The following MMP26 variants were observed in gnomAD, a reference collection of about 807,000 sequenced individuals.
MMP26 encodes the protein matrix metallopeptidase 26, also known as matrix metalloproteinase-26.
MMP26 carries 33 observed loss-of-function variants against 31.0 expected under a neutral mutation model. The ratio of observed to expected loss-of-function variants is 1.06; its 90% CI spans 0.81 to 1.42. The LOEUF (loss-of-function observed/expected upper bound fraction) is 1.42. Ranked by LOEUF, MMP26 falls within the 40% of genes most tolerant of loss-of-function variation. The pLI is 0.00. For missense variants in MMP26, 347 were observed against 316.1 expected (o/e 1.10, Z -0.74); for synonymous variants, 122 against 114.9 (o/e 1.06, Z -0.40).
intron 2 of MMP26, among the ~76,000 whole-genome samples, chr11:4,972,338 C>G (rs1205689128): frequency 6.6e-6 from 1 of 152,094 alleles, no homozygotes; most frequent in Non-Finnish European, 1.5e-5. Context: ...ATTGAAATGT[C>G]AAAGACAGGA....
At chr11:4,916,205 G>T (rs553261662) in intron 2 of MMP26, among the ~76,000 whole-genome samples, 3 of 151,796 alleles carry the variant, frequency 2.0e-5, no homozygotes, top group East Asian at 3.9e-4. Flanking sequence ...CCCTCTGCTG[G>T]CACTGTGGGT....
In MMP26 at chr11:4,907,370, A is replaced by G. The variant is rs771229625; in HGVS notation, c.-144-80698A>G. 8 of 1,601,614 alleles carry G rather than the reference A, an allele frequency of 5.0e-6. No individual in the cohort carries two copies. In the East Asian group the frequency reaches 1.1e-4, roughly 22 times the overall value. ...CTAACGAGCTCATATCTCCCTCATT[A>G]TGTCTGTTCTCAATAACTCCGAAGT... is the stretch of plus-strand genomic sequence containing the variant. On this transcript the variant is annotated intron_variant, in intron 2 of 7. Transcript: ENST00000380390.
intron 1 of MMP26, among the ~76,000 whole-genome samples, chr11:4,740,409 G>A (rs1222741155): frequency 6.6e-6 from 1 of 152,006 alleles, no homozygotes; most frequent in Non-Finnish European, 1.5e-5. Flanking sequence ...TGGGGCTGGG[G>A]GCGGTGGCTC....
chr11:4,777,476 T>C (rs1848804425), intron 2 of MMP26, among the ~76,000 whole-genome samples: 1 of 152,194 alleles, frequency 6.6e-6, no homozygotes, highest in Admixed American at 6.5e-5. Context: ...AATTCTTTTA[T>C]TGAAGTATAC....
rs1227145013 is a variant in MMP26, at chr11:4,706,602, C to CAGAA, written c.-217+1575_-217+1578dup. Among the ~76,000 whole-genome samples, 9 of 109,106 alleles carry CAGAA rather than the reference C, an allele frequency of 8.2e-5. No individual in the cohort carries two copies. The South Asian group carries it at 1.1e-3, about 13-fold the overall frequency. The allele number at this position is 109,106 out of a possible 152,430, so 71.6% of individuals were successfully genotyped here. On this transcript the variant is annotated intron_variant, in intron 1 of 7. Transcript: ENST00000380390. The stretch of plus-strand genomic sequence containing the variant: ...CAAAAAAAAAAAAAAAAAAAAAAGA[C>CAGAA]AGAAAGAAAGAAAGAAAGAAAAGAA...
At chr11:4,939,477 G>A (rs1846176780) in intron 2 of MMP26, among the ~76,000 whole-genome samples, 1 of 152,020 alleles carries the variant, frequency 6.6e-6, no homozygotes, top group African/African-American at 2.4e-5. Flanking sequence ...CTAAAAGAGT[G>A]GCTATCTTTT....
intron 2 of MMP26, among the ~76,000 whole-genome samples, chr11:4,861,399 AAATGT>A (rs1238930172): frequency 6.6e-6 from 1 of 151,038 alleles, no homozygotes; most frequent in African/African-American, 2.4e-5. Flanking sequence ...ACATACGCAT[AAATGT>A]ATTAGGTTGG....
At chr11:4,865,389 A>G (rs911693068) in intron 2 of MMP26, among the ~76,000 whole-genome samples, 1 of 152,138 alleles carries the variant, frequency 6.6e-6, no homozygotes, top group African/African-American at 2.4e-5. Context: ...TAGGAAGAGA[A>G]ATTTCTTCTG....
At chr11:4,978,903 C>A (rs375171429) in intron 2 of MMP26, among the ~76,000 whole-genome samples, 8 of 151,984 alleles carry the variant, frequency 5.3e-5, no homozygotes, top group African/African-American at 7.3e-5. Context: ...AAGGACTATA[C>A]CCTAAAGAAG....
chr11:4,921,866 A>AT (rs1295358471), intron 2 of MMP26, among the ~76,000 whole-genome samples: 2 of 152,178 alleles, frequency 1.3e-5, no homozygotes, highest in Non-Finnish European at 2.9e-5. Flanking sequence ...AATTTGTATA[A>AT]TTTTAAAGGG....
chr11:4,945,531 T>G (rs1343526925), intron 2 of MMP26: 1 of 154,358 alleles, frequency 6.5e-6, no homozygotes, highest in Non-Finnish European at 1.4e-5. Flanking sequence ...TATAGATTAC[T>G]CTTGCATTTC....
At chr11:4,858,047 A>C (rs1850082859) in intron 2 of MMP26, among the ~76,000 whole-genome samples, 1 of 152,300 alleles carries the variant, frequency 6.6e-6, no homozygotes, top group African/African-American at 2.4e-5. Flanking sequence ...CAAAACTCTC[A>C]ATAAACTAGG....
At chr11:4,908,473 G>GA (rs80125653) in intron 2 of MMP26, 71,757 of 647,488 alleles carry the variant, frequency 0.11, 7,605 homozygotes, top group East Asian at 0.55. Flanking sequence ...GAACAGGATA[G>GA]AAAAAAAAGT....
At chr11:4,841,849 C>T (rs923704984) in intron 2 of MMP26, among the ~76,000 whole-genome samples, 3 of 152,214 alleles carry the variant, frequency 2.0e-5, no homozygotes, top group Non-Finnish European at 4.4e-5. Context: ...AGGAGAATCA[C>T]TTGAACCTCA....
chr11:4,771,148 C>A (rs4569001), intron 2 of MMP26, among the ~76,000 whole-genome samples: 28,129 of 151,656 alleles, frequency 0.19, 3,951 homozygotes, highest in African/African-American at 0.4. Flanking sequence ...GGACAGAATT[C>A]GAGAAATTGA....
intron 2 of MMP26, chr11:4,943,575 C>G (rs970161587): frequency 4.7e-6 from 2 of 425,934 alleles, no homozygotes; most frequent in African/African-American, 4.1e-5. Context: ...TGGTTAGTAG[C>G]GTCTCCGGCC....
intron 2 of MMP26, among the ~76,000 whole-genome samples, chr11:4,912,436 C>T (rs889321529): frequency 6.6e-6 from 1 of 152,046 alleles, no homozygotes; most frequent in African/African-American, 2.4e-5. Context: ...AGAGAGAATC[C>T]AGCTGTGAAG....
At chr11:4,829,504 T>C (rs1302565633) in intron 2 of MMP26, among the ~76,000 whole-genome samples, 1 of 152,184 alleles carries the variant, frequency 6.6e-6, no homozygotes, top group Non-Finnish European at 1.5e-5. Context: ...AGCAGAATTA[T>C]ACAATTTATT....
chr11:4,932,036 T>G (rs532553009), intron 2 of MMP26, among the ~76,000 whole-genome samples: 9 of 152,194 alleles, frequency 5.9e-5, no homozygotes, highest in East Asian at 3.9e-4. Flanking sequence ...AACGATATTT[T>G]AAGTCATATT....
Sources: allele counts gnomAD v4.1 joint callset (sites outside exome capture counted in the v4.1 genomes callset), GRCh38; gene constraint gnomAD v4.1.1; transcripts MANE v1.5; gene names NCBI Gene and HGNC (gene_info 2026-07-23, HGNC 2026-07-21).